The following SGCD variants were observed in gnomAD, a reference collection of about 807,000 sequenced individuals.
SGCD encodes sarcoglycan delta.
SGCD carries 18 observed loss-of-function variants against 36.6 expected under a neutral mutation model. The observed-to-expected ratio is 0.49, with a 90% CI of 0.34 to 0.73. The LOEUF (loss-of-function observed/expected upper bound fraction) is 0.73, where lower values mean the gene tolerates loss of function less well. Among genes scored for constraint, SGCD ranks in the 30% least tolerant of loss-of-function variants. SGCD has a pLI of 0.01. For missense variants in SGCD, 387 were observed against 346.7 expected, an observed-to-expected ratio of 1.12 and a Z score of -0.92; for synonymous variants, 133 against 130.6, an observed-to-expected ratio of 1.02 and a Z score of -0.12.
intron 3 of SGCD, among the ~76,000 whole-genome samples, chr5:156,451,828 T>C (rs1345283319): frequency 1.3e-5 from 2 of 152,290 alleles, no homozygotes; most frequent in South Asian, 4.1e-4. Flanking sequence ...TAATGAATAA[T>C]GAAAATATTT....
At chr5:156,472,058 A>G (rs1356495685) in intron 3 of SGCD, among the ~76,000 whole-genome samples, 1 of 152,206 alleles carries the variant, frequency 6.6e-6, no homozygotes, top group East Asian at 1.9e-4. Flanking sequence ...AACACCAACT[A>G]GGTAATTTTC....
intron 3 of SGCD, among the ~76,000 whole-genome samples, chr5:156,505,734 A>G (rs1756664635): frequency 6.6e-6 from 1 of 152,086 alleles, no homozygotes; most frequent in South Asian, 2.1e-4. Context: ...AGAGGAATAC[A>G]TAAGAAATAA....
chr5:156,105,197 A>G (rs149643538), intron 1 of SGCD, among the ~76,000 whole-genome samples: 1 of 152,336 alleles, frequency 6.6e-6, no homozygotes, highest in Admixed American at 6.5e-5. Context: ...TCTTCTTTAA[A>G]ATGTGTTTTA....
the SGCD span, among the ~76,000 whole-genome samples, chr5:155,773,477 GC>G: frequency 6.6e-6 from 1 of 152,078 alleles, no homozygotes; most frequent in African/African-American, 2.4e-5. Context: ...ACCATGCTTG[GC>G]CTGCCCTGAC....
intron 3 of SGCD, among the ~76,000 whole-genome samples, chr5:156,357,609 A>G (rs1159171262): frequency 6.6e-6 from 1 of 152,178 alleles, no homozygotes; most frequent in Non-Finnish European, 1.5e-5. Flanking sequence ...GCTTGTATTT[A>G]TGTTAGAAGA....
chr5:155,808,864 T>C, the SGCD span, among the ~76,000 whole-genome samples: 5 of 152,222 alleles, frequency 3.3e-5, no homozygotes, highest in East Asian at 7.7e-4. Flanking sequence ...CCAAGTCACA[T>C]AGTTACAAAG....
At chr5:156,397,339 C>A (rs1771911462) in intron 3 of SGCD, among the ~76,000 whole-genome samples, 1 of 152,076 alleles carries the variant, frequency 6.6e-6, no homozygotes, top group Admixed American at 6.6e-5. Context: ...ATTGCATATT[C>A]TTTTTTGTTT....
intron 3 of SGCD, among the ~76,000 whole-genome samples, chr5:156,241,820 A>C (rs1255315415): frequency 6.6e-6 from 1 of 152,172 alleles, no homozygotes; most frequent in Non-Finnish European, 1.5e-5. Context: ...CACAATGTTT[A>C]CACTCACTAC....
intron 3 of SGCD, among the ~76,000 whole-genome samples, chr5:156,309,214 C>T (rs1767320721): frequency 6.6e-6 from 1 of 152,056 alleles, no homozygotes. Context: ...GCCACTATTT[C>T]TTCAAGTATG....
chr5:155,933,030 G>C (rs1446206490), intron 1 of SGCD, among the ~76,000 whole-genome samples: 1 of 152,170 alleles, frequency 6.6e-6, no homozygotes, highest in Non-Finnish European at 1.5e-5. Context: ...ACAAAACCAA[G>C]AGGGTTAGTA....
intron 4 of SGCD, among the ~76,000 whole-genome samples, chr5:156,522,201 G>A (rs1018484967): frequency 6.6e-6 from 1 of 152,020 alleles, no homozygotes; most frequent in East Asian, 1.9e-4. Context: ...CAGGGGGTGG[G>A]GGGCTGAGGG....
At chr5:156,046,220 A>T (rs976584548) in intron 1 of SGCD, among the ~76,000 whole-genome samples, 1 of 152,156 alleles carries the variant, frequency 6.6e-6, no homozygotes, top group Non-Finnish European at 1.5e-5. Context: ...AATGAAACAG[A>T]ATATCTATAG....
At chr5:156,073,271 A>G (rs1169828826) in intron 1 of SGCD, among the ~76,000 whole-genome samples, 1 of 151,872 alleles carries the variant, frequency 6.6e-6, no homozygotes, top group African/African-American at 2.4e-5. Flanking sequence ...ATTATATCAT[A>G]CTCTCTCACC....
intron 3 of SGCD, among the ~76,000 whole-genome samples, chr5:156,297,030 A>AATAT (rs368559018): frequency 7.1e-6 from 1 of 140,264 alleles, no homozygotes; most frequent in Non-Finnish European, 1.5e-5. Context: ...ATAGCATATA[A>AATAT]ATATATATAT....
At chr5:155,890,685 T>C (rs866614259) in intron 1 of SGCD, among the ~76,000 whole-genome samples, 3 of 133,126 alleles carry the variant, frequency 2.3e-5, no homozygotes, top group East Asian at 4.3e-4. Flanking sequence ...GATAGACAGA[T>C]AGATAGGAGA....
intron 1 of SGCD, among the ~76,000 whole-genome samples, chr5:155,892,393 T>C (rs1274274085): frequency 7.1e-6 from 1 of 140,180 alleles, no homozygotes; most frequent in East Asian, 2.1e-4. Flanking sequence ...AGGTGAAGGT[T>C]GCAGTGAGCC....
At chr5:156,120,735 G>C (rs1762017644) in intron 2 of SGCD, among the ~76,000 whole-genome samples, 1 of 152,110 alleles carries the variant, frequency 6.6e-6, no homozygotes, top group African/African-American at 2.4e-5. Context: ...AACATAGACA[G>C]TTTCTTAATA....
chr5:156,757,715 A>C lies in SGCD; in HGVS notation c.699+11A>C. The C allele has an allele frequency of 6.3e-7, 1 of 1,594,182 alleles. No homozygotes were observed. The highest frequency in any genetic ancestry group is 2.3e-5 in the East Asian group (1 of 44,440). On this transcript the variant is annotated intron_variant, in intron 8 of 8. Coordinates refer to ENST00000337851, the MANE Select transcript of SGCD (RefSeq NM_000337.6). ...TCCAAAGATGGAGAGGTGAGGGATGAGAAGGACAGAAGTTCAAAGAGCTAC... is the reference window on the plus strand; with the variant it reads ...TCCAAAGATGGAGAGGTGAGGGATGCGAAGGACAGAAGTTCAAAGAGCTAC...
chr5:156,095,668 G>C (rs913618003), intron 1 of SGCD, among the ~76,000 whole-genome samples: 11 of 152,186 alleles, frequency 7.2e-5, no homozygotes, highest in South Asian at 2.1e-4. Flanking sequence ...AGCAAGATAA[G>C]AAAAGGAAGA....
Sources: allele counts gnomAD v4.1 joint callset (sites outside exome capture counted in the v4.1 genomes callset), GRCh38; gene constraint gnomAD v4.1.1; transcripts MANE v1.5; gene names NCBI Gene and HGNC (gene_info 2026-07-23, HGNC 2026-07-21).